The following DAB1 variants were observed in gnomAD, a reference collection of about 807,000 sequenced individuals.
DAB1 encodes the protein DAB adaptor protein 1, also known as disabled homolog 1.
In DAB1, 15 loss-of-function variants were observed where a neutral mutation model predicts 64.6. That is an observed-to-expected ratio of 0.23 (90% CI 0.16 to 0.36). The LOEUF (loss-of-function observed/expected upper bound fraction) is 0.36, where lower values mean the gene tolerates loss of function less well. DAB1 is among the 10% of genes least tolerant of loss of function. The probability of loss-of-function intolerance (pLI) is 1.00; values close to 1 mark genes in which losing one functional copy is unlikely to be tolerated. For missense variants in DAB1, 596 were observed against 706.7 expected (o/e 0.84, Z 1.78); for synonymous variants, 235 against 251.9 (o/e 0.93, Z 0.64).
At chr1:58,080,557 G>C (rs1423112626) in intron 5 of DAB1, among the ~76,000 whole-genome samples, 1 of 152,218 alleles carries the variant, frequency 6.6e-6, no homozygotes, top group Non-Finnish European at 1.5e-5. Context: ...GCCAGAGTAA[G>C]AGAGAAAAGA....
chr1:58,179,455 C>T (rs1373343035), intron 4 of DAB1, among the ~76,000 whole-genome samples: 2 of 152,034 alleles, frequency 1.3e-5, no homozygotes, highest in African/African-American at 2.4e-5. Flanking sequence ...CCAGTAAAGC[C>T]ATCTAGGCTG....
chr1:58,406,709 T>TC lies in DAB1; in HGVS notation n.258-63307dup, dbSNP rs747746927. Among the ~76,000 whole-genome samples the TC allele has an allele frequency of 8.9e-3, 651 of 72,892 alleles. 3 individuals are homozygous for TC. Among genetic ancestry groups the TC allele is most frequent in the South Asian group, 0.03 (78 of 2,584 alleles). 47.8% of individuals were successfully genotyped at this position (72,892 alleles called of 152,430 possible). A position where few individuals can be genotyped will look rare whatever the true frequency, so the allele number is the denominator to read the frequency against. On this transcript the variant is annotated intron_variant and non_coding_transcript_variant, in intron 3 of 20. Transcript: ENST00000485760. ...TAATTAGAAAAGAACGATAATATCA[T>TC]CCCCCCCCCCCAACTGCCACCATCT...
chr1:57,523,311 G>C (rs1396735548), intron 7 of DAB1, among the ~76,000 whole-genome samples: 2 of 152,164 alleles, frequency 1.3e-5, no homozygotes, highest in Admixed American at 1.3e-4. Flanking sequence ...TATTTGGAAG[G>C]AGGGAGAAAA....
At chr1:57,714,612 GATCC>G (rs1248781948) in intron 6 of DAB1, among the ~76,000 whole-genome samples, 1 of 152,166 alleles carries the variant, frequency 6.6e-6, no homozygotes, top group Admixed American at 6.5e-5. Flanking sequence ...TGTTCTTGGA[GATCC>G]GGGAAGCCCC....
At chr1:57,224,188 C>T (rs926787516) in intron 2 of DAB1, among the ~76,000 whole-genome samples, 1 of 152,188 alleles carries the variant, frequency 6.6e-6, no homozygotes, top group East Asian at 1.9e-4. Context: ...AGTGGCTCAA[C>T]AAGCATATGT....
At position 57,640,023 on chromosome 1, in the gene DAB1, G is replaced by T. The variant is rs75237037; in HGVS notation, n.625+9569C>A. Among the ~76,000 whole-genome samples the T allele has an allele frequency of 3.3e-5, 5 of 152,282 alleles. No homozygotes were observed. In the East Asian group the frequency reaches 9.7e-4, roughly 29 times the overall value. ...AAGTTGGAAGCTCTTGGTTTCAGCG[G>T]TTCCATCAAAGGCCACAGTCTGCAG... is the stretch of plus-strand genomic sequence containing the variant. On this transcript the variant is annotated intron_variant and non_coding_transcript_variant, in intron 7 of 20. Coordinates refer to the DAB1 transcript ENST00000485760.
At chr1:57,340,903 A>G (rs1677520801) in intron 1 of DAB1, among the ~76,000 whole-genome samples, 1 of 152,122 alleles carries the variant, frequency 6.6e-6, no homozygotes, top group Admixed American at 6.5e-5. Context: ...ACCTCTTTTA[A>G]TCTTTCCACC....
intron 5 of DAB1, among the ~76,000 whole-genome samples, chr1:57,955,877 T>C (rs1210792365): frequency 6.6e-6 from 1 of 152,204 alleles, no homozygotes; most frequent in African/African-American, 2.4e-5. Context: ...ATATGGTATA[T>C]ACTGGTCTAT....
At chr1:58,200,905 A>T (rs888255457) in intron 4 of DAB1, among the ~76,000 whole-genome samples, 7 of 152,210 alleles carry the variant, frequency 4.6e-5, no homozygotes, top group Non-Finnish European at 8.8e-5. Context: ...AGAGGCTGTA[A>T]TTTAGAATTT....
At chr1:58,020,570 C>T (rs754300456) in intron 5 of DAB1, among the ~76,000 whole-genome samples, 3 of 152,176 alleles carry the variant, frequency 2.0e-5, no homozygotes, top group Non-Finnish European at 4.4e-5. Context: ...ATCAGGACTT[C>T]TGTGAATGGT....
chr1:58,061,870 C>T (rs1042890226), intron 5 of DAB1, among the ~76,000 whole-genome samples: 1 of 152,142 alleles, frequency 6.6e-6, no homozygotes, highest in Non-Finnish European at 1.5e-5. Context: ...ATGTGATTTC[C>T]TTTCCCCAAG....
At chr1:57,085,529 G>A (rs1298668875) in intron 4 of DAB1, among the ~76,000 whole-genome samples, 1 of 152,236 alleles carries the variant, frequency 6.6e-6, no homozygotes, top group Non-Finnish European at 1.5e-5. Flanking sequence ...TGCTGGGGGT[G>A]CAAAGCACTG....
chr1:58,381,405 G>T (rs1309403073), intron 3 of DAB1, among the ~76,000 whole-genome samples: 1 of 152,172 alleles, frequency 6.6e-6, no homozygotes, highest in Non-Finnish European at 1.5e-5. Flanking sequence ...TTATGAAAAG[G>T]TCTTACAGAG....
At chr1:57,828,519 T>C (rs1261113178) in intron 1 of DAB1, among the ~76,000 whole-genome samples, 1 of 152,140 alleles carries the variant, frequency 6.6e-6, no homozygotes, top group Non-Finnish European at 1.5e-5. Flanking sequence ...ACATATTATG[T>C]GCTCAACAAA....
intron 4 of DAB1, among the ~76,000 whole-genome samples, chr1:58,320,991 C>G (rs1242930315): frequency 6.6e-6 from 1 of 152,236 alleles, no homozygotes; most frequent in Non-Finnish European, 1.5e-5. Context: ...TCCCACCTGG[C>G]AGGCATGCCA....
chr1:58,365,558 C>T (rs1252822181), intron 3 of DAB1, among the ~76,000 whole-genome samples: 4 of 152,194 alleles, frequency 2.6e-5, no homozygotes, highest in African/African-American at 9.6e-5. Context: ...GTTTCAGTTC[C>T]TTCCCTGGTT....
intron 1 of DAB1, among the ~76,000 whole-genome samples, chr1:57,869,321 A>G: frequency 6.6e-6 from 1 of 152,044 alleles, no homozygotes; most frequent in Non-Finnish European, 1.5e-5. Flanking sequence ...CTCACTTTGG[A>G]ATGGAAGTTT....
intron 7 of DAB1, among the ~76,000 whole-genome samples, chr1:57,506,786 G>T (rs1213910524): frequency 6.6e-6 from 1 of 152,142 alleles, no homozygotes; most frequent in Non-Finnish European, 1.5e-5. Flanking sequence ...CGGCTCTGTA[G>T]TTATCCCTGT....
At chr1:58,336,799 C>T (rs976222594) in intron 4 of DAB1, among the ~76,000 whole-genome samples, 1 of 152,112 alleles carries the variant, frequency 6.6e-6, no homozygotes, top group East Asian at 1.9e-4. Context: ...AGCTCATTGG[C>T]TCCATTTTAC....
Sources: allele counts gnomAD v4.1 joint callset (sites outside exome capture counted in the v4.1 genomes callset), GRCh38; gene constraint gnomAD v4.1.1; transcripts MANE v1.5; gene names NCBI Gene and HGNC (gene_info 2026-07-23, HGNC 2026-07-21).